Variants in MTOR observed in about 807,000 individuals in gnomAD.
MTOR encodes the protein serine/threonine-protein kinase mTOR.
In MTOR, 70 loss-of-function variants were observed where a neutral mutation model predicts 319.8. That is an observed-to-expected ratio of 0.22 (90% CI 0.18 to 0.27). The LOEUF is 0.27. Among genes scored for constraint, MTOR ranks in the 10% least tolerant of loss-of-function variants. MTOR has a pLI of 1.00. For synonymous variants in MTOR, 1,183 were observed against 1,211.4 expected, an observed-to-expected ratio of 0.98 and a Z score of 0.49; for missense variants, 1,890 against 3,274.4, an observed-to-expected ratio of 0.58 and a Z score of 10.32.
chr1:11,114,896 TA>T lies in MTOR; in HGVS notation c.7090-10del, dbSNP rs1642081463. 1 of 1,613,102 alleles carries T rather than the reference TA, an allele frequency of 6.2e-7. No individual in the cohort carries two copies. The highest frequency in any genetic ancestry group is 1.3e-5 in the African/African-American group (1 of 74,848). On this transcript the variant is annotated splice_polypyrimidine_tract_variant and intron_variant, in intron 51 of 57. Coordinates refer to ENST00000361445, the MANE Select transcript of MTOR (RefSeq NM_004958.4). Reference sequence around the variant, plus strand: ...TCTCGGGTCATAGCAACCTACAGAATAATAAATGGGAAAAGCCAAATCAATG... The same window carrying T: ...TCTCGGGTCATAGCAACCTACAGAATATAAATGGGAAAAGCCAAATCAATG...
intron 20 of MTOR, 38 bp downstream of exon 20, chr1:11,216,110 C>A: frequency 6.6e-7 from 1 of 1,512,146 alleles, no homozygotes; most frequent in Non-Finnish European, 9.2e-7. Context: ...TTCCTTGACC[C>A]AAACATGGAA....
chr1:11,243,017 T>A (rs906763504), intron 9 of MTOR, 97 bp downstream of exon 9: 2 of 1,346,870 alleles, frequency 1.5e-6, no homozygotes, highest in Non-Finnish European at 2.1e-6. Context: ...AGTTTAATGA[T>A]GCAAAAAATG....
chr1:11,237,286 T>C (rs989822613), intron 13 of MTOR, among the ~76,000 whole-genome samples: 1 of 152,114 alleles, frequency 6.6e-6, no homozygotes, highest in Non-Finnish European at 1.5e-5. Flanking sequence ...TGAGGAGCCA[T>C]GTCTCCAGAG....
chr1:11,205,018 C>T (rs1042130060), intron 25 of MTOR, among the ~76,000 whole-genome samples: 4 of 152,140 alleles, frequency 2.6e-5, no homozygotes, highest in African/African-American at 9.7e-5. Flanking sequence ...TGGGCTCCAG[C>T]AGGGCATGAA....
intron 28 of MTOR, among the ~76,000 whole-genome samples, chr1:11,183,664 C>T (rs1571094063): frequency 6.6e-6 from 1 of 152,014 alleles, no homozygotes; most frequent in South Asian, 2.1e-4. Flanking sequence ...CTTTGCTTAT[C>T]TTAGGAAGCC....
Position 11,133,090 on chromosome 1 carries a change from C to T in MTOR, c.5354G>A (p.Ser1785Asn), listed in dbSNP as rs1643237288. ...YYSAATEHDR[S>N]WYKAWHAWAV... ...CCTGCTTCTGATCACCTTGTACCAGCTGCGGTCGTGCTCTGTGGCGGCGCT... is the reference window on the plus strand; with the variant it reads ...CCTGCTTCTGATCACCTTGTACCAGTTGCGGTCGTGCTCTGTGGCGGCGCT... Residue 1785 changes from serine (S) to asparagine (N), a missense_variant, in exon 38 of 58, where the codon AGC (serine) becomes AAC (asparagine). Physicochemically the swap from Ser to Asn is conservative, Grantham distance 46. Around this residue, in one of 15 missense-constraint regions of MTOR, gnomAD observed 276 missense variants for 459.4 expected, o/e 0.60. Coordinates refer to ENST00000361445, the MANE Select transcript of MTOR (RefSeq NM_004958.4). The surrounding 1 kb of genome is among the most constrained non-coding windows in gnomAD (Gnocchi z 4.0). 1.1e-5 allele frequency: 17 copies of T among 1,613,956 alleles called. No individual in the cohort carries two copies. Among genetic ancestry groups the T allele is most frequent in the Non-Finnish European group, 1.2e-5 (14 of 1,179,984 alleles).
chr1:11,201,602 T>C (rs532240351), intron 26 of MTOR, among the ~76,000 whole-genome samples: 1 of 152,236 alleles, frequency 6.6e-6, no homozygotes, highest in African/African-American at 2.4e-5. Flanking sequence ...AAATAATTAA[T>C]ATCCAATGCA....
At chr1:11,250,535 T>C (rs1649537514) in intron 6 of MTOR, among the ~76,000 whole-genome samples, 1 of 152,176 alleles carries the variant, frequency 6.6e-6, no homozygotes, top group African/African-American at 2.4e-5. Flanking sequence ...TCCCTGGCTG[T>C]TCCTTCCCCA....
In MTOR at chr1:11,212,417, G is replaced by T. The variant is rs373476614; in HGVS notation, c.3456C>A (p.Ala1152=). 382 of 1,614,056 alleles carry T rather than the reference G, an allele frequency of 2.4e-4. No individual in the cohort carries two copies. Among genetic ancestry groups the T allele is most frequent in the Non-Finnish European group, 3.1e-4 (367 of 1,180,032 alleles). The part of the protein sequence containing the change: ...LTESLDFTDY[A]SRIIHPIVRT... Reference sequence around the variant, plus strand: ...GAACAATAGGGTGAATGATCCGGGAGGCATAGTCAGTGAAATCCAGGGACT... The same window carrying T: ...GAACAATAGGGTGAATGATCCGGGATGCATAGTCAGTGAAATCCAGGGACT... The change falls in exon 23 of 58, where the codon GCC becomes GCA. Residue 1152 remains alanine (A), a synonymous_variant. Transcript: ENST00000361445. This position sits in a 1 kb window ranked among gnomAD's most constrained non-coding sequence, Gnocchi z 4.1.
chr1:11,107,865 A>G (rs572599023), intron 57 of MTOR, among the ~76,000 whole-genome samples: 1 of 152,240 alleles, frequency 6.6e-6, no homozygotes, highest in African/African-American at 2.4e-5. Context: ...CCCTTCCTGT[A>G]TCTCTGCACT....
intron 28 of MTOR, among the ~76,000 whole-genome samples, chr1:11,173,692 G>A (rs1430003577): frequency 9.2e-5 from 14 of 152,134 alleles, no homozygotes; most frequent in Admixed American, 9.2e-4. Context: ...ATTTCCTACA[G>A]GACTTTCTCC....
At position 11,109,804 on chromosome 1, in the gene MTOR, T is replaced by C; in HGVS notation, c.7367-75A>G. 2 of 1,300,794 alleles carry C rather than the reference T, an allele frequency of 1.5e-6. No homozygotes were observed. Among genetic ancestry groups the C allele is most frequent in the South Asian group, 2.4e-5 (2 of 84,330 alleles). 80.6% of individuals were successfully genotyped at this position (1,300,794 alleles called of 1,614,324 possible). A position where few individuals can be genotyped will look rare whatever the true frequency, so the allele number is the denominator to read the frequency against. On this transcript the variant is annotated intron_variant, in intron 54 of 57. Coordinates refer to ENST00000361445, the MANE Select transcript of MTOR (RefSeq NM_004958.4). The surrounding 1 kb of genome is among the most constrained non-coding windows in gnomAD (Gnocchi z 4.0). The stretch of plus-strand genomic sequence containing the variant: ...CTGTTGGTGTTAGCATCTAATTCTC[T>C]ACGCACTCTATTCCTTTAACGCCTG...
chr1:11,240,583 C>T (rs772063120), intron 10 of MTOR, 36 bp from the exon 11 acceptor site: 2 of 1,600,464 alleles, frequency 1.2e-6, no homozygotes, highest in South Asian at 1.1e-5. Flanking sequence ...AAGGGCTGGG[C>T]ACATGACACT....
rs752107051 is a variant in MTOR at position 11,231,049 on chromosome 1, G to A, written c.2655C>T (p.Ile885=). 3 of 1,614,020 alleles carry A rather than the reference G, an allele frequency of 1.9e-6. No homozygotes were observed. The highest frequency in any genetic ancestry group is 3.3e-5 in the Admixed American group (2 of 60,000). The change falls in exon 18 of 58, where the codon ATC becomes ATT. Residue 885 remains isoleucine (I), a synonymous_variant. Transcript: ENST00000361445. ...AAGCCCCTAAAAGCCCTAACACACGGATGGCCTGCGTGGGAAAGGGGAGGG... is the reference window on the plus strand; with the variant it reads ...AAGCCCCTAAAAGCCCTAACACACGAATGGCCTGCGTGGGAAAGGGGAGGG... The part of the protein sequence containing the change: ...EQNQGTRREA[I]RVLGLLGALD...
chr1:11,249,101 G>A (rs985482151), intron 6 of MTOR, among the ~76,000 whole-genome samples: 1 of 152,018 alleles, frequency 6.6e-6, no homozygotes, highest in African/African-American at 2.4e-5. Context: ...GCACATGCCT[G>A]TACTCCCAGC....
rs1266984212 is a variant in MTOR, at chr1:11,121,981, G to T, written c.6808C>A (p.Arg2270=). 1.9e-6 allele frequency: 3 copies of T among 1,613,880 alleles called. No individual in the cohort carries two copies. Among genetic ancestry groups the T allele is most frequent in the African/African-American group, 1.3e-5 (1 of 75,042 alleles). The change falls in exon 48 of 58, where the codon CGG becomes AGG. Residue 2270 remains arginine, a splice_region_variant and synonymous_variant. Coordinates refer to ENST00000361445, the MANE Select transcript of MTOR (RefSeq NM_004958.4). This position sits in a 1 kb window ranked among gnomAD's most constrained non-coding sequence, Gnocchi z 4.9. ...GCTCTCGTGGCCGCATCACATACCCGCAACATGATGCGATGCTCGATGTTG... is the reference window on the plus strand; with the variant it reads ...GCTCTCGTGGCCGCATCACATACCCTCAACATGATGCGATGCTCGATGTTG... ...LLNIEHRIML[R]MAPDYDHLTL...
chr1:11,233,305 TCA>T, intron 15 of MTOR, 91 bp downstream of exon 15: 2 of 1,189,334 alleles, frequency 1.7e-6, no homozygotes, highest in South Asian at 2.7e-5. Context: ...GTGAGACCTT[TCA>T]TTTAAAAAAA....
intron 4 of MTOR, 26 bp downstream of exon 4, chr1:11,256,907 C>A: frequency 1.2e-6 from 2 of 1,604,598 alleles, no homozygotes; most frequent in African/African-American, 2.7e-5. Context: ...CCAAGCCTGG[C>A]TGTGCTCCTC....
chr1:11,133,736 G>C lies in MTOR; in HGVS notation c.5247-539C>G, dbSNP rs973322830. Among the ~76,000 whole-genome samples the C allele has an allele frequency of 1.3e-5, 2 of 152,184 alleles. No individual in the cohort carries two copies. Among genetic ancestry groups the C allele is most frequent in the Non-Finnish European group, 2.9e-5 (2 of 68,042 alleles). The stretch of plus-strand genomic sequence containing the variant: ...ATATTGGTAACTGAGGCATAGAGAG[G>C]TTAAGTCACTTCTCTGAAGTCAAAT... On this transcript the variant is annotated intron_variant, in intron 37 of 57. Transcript: ENST00000361445. The surrounding 1 kb of genome is among the most constrained non-coding windows in gnomAD (Gnocchi z 4.0).
Sources: gnomAD v4.1 joint callset for allele counts (sites outside exome capture counted in the v4.1 genomes callset) on GRCh38, gnomAD v4.1.1 for gene constraint, gnomAD v4.1.1 regional missense constraint, Gnocchi (gnomAD v3.1) non-coding constraint, MANE v1.5 for transcripts, NCBI Gene and HGNC (gene_info 2026-07-23, HGNC 2026-07-21) for gene names.